Variants in CSMD1 observed in about 807,000 individuals in gnomAD.
CSMD1 encodes CUB and Sushi multiple domains 1.
Under a neutral mutation model 417.5 loss-of-function variants are expected in CSMD1, and 213 were observed. The observed-to-expected ratio is 0.51, with a 90% CI of 0.46 to 0.57. CSMD1 has a LOEUF of 0.57. CSMD1 is among the 20% of genes least tolerant of loss of function. The pLI is 0.00. For missense variants in CSMD1, 6,923 were observed against 4,529.7 expected, an observed-to-expected ratio of 1.53 and a Z score of -15.17; for synonymous variants, 2,862 against 1,736.8, an observed-to-expected ratio of 1.65 and a Z score of -16.11.
At chr8:3,019,012 G>C (rs1316543699) in intron 51 of CSMD1, among the ~76,000 whole-genome samples, 1 of 152,106 alleles carries the variant, frequency 6.6e-6, no homozygotes, top group Admixed American at 6.6e-5. Flanking sequence ...CTACCTCCCC[G>C]GTTCAAGTGA....
Position 3,553,259 on chromosome 8 carries a change from C to T in CSMD1, c.1344+21686G>A, listed in dbSNP as rs1414383060. ...GGCTTTCAGTAATGTAGCCATAGTT[C>T]GGAGCTGCAGGCACACCGTCAGCAC... On this transcript the variant is annotated intron_variant, in intron 10 of 69. Transcript: ENST00000635120. Among the ~76,000 whole-genome samples, 9 of 152,060 alleles carry T rather than the reference C, an allele frequency of 5.9e-5. No homozygotes were observed. In the East Asian group the frequency reaches 1.2e-3, roughly 20 times the overall value.
intron 50 of CSMD1, among the ~76,000 whole-genome samples, chr8:3,036,884 T>C (rs1810715221): frequency 6.6e-6 from 1 of 152,164 alleles, no homozygotes; most frequent in Non-Finnish European, 1.5e-5. Context: ...ATAAGTTATC[T>C]AGGGGTGATT....
chr8:4,464,214 G>C (rs775390643), intron 2 of CSMD1, among the ~76,000 whole-genome samples: 1 of 152,098 alleles, frequency 6.6e-6, no homozygotes, highest in Non-Finnish European at 1.5e-5. Context: ...ACCCAGTTTG[G>C]ATTTCACTGC....
intron 59 of CSMD1, among the ~76,000 whole-genome samples, chr8:2,965,402 A>G (rs1803867126): frequency 6.6e-6 from 1 of 152,080 alleles, no homozygotes; most frequent in Non-Finnish European, 1.5e-5. Context: ...ACCTGCCTCT[A>G]AATTCCTACA....
intron 1 of CSMD1, among the ~76,000 whole-genome samples, chr8:4,892,632 C>T (rs1407688774): frequency 6.6e-6 from 1 of 152,024 alleles, no homozygotes; most frequent in Non-Finnish European, 1.5e-5. Context: ...TAGACGTGAA[C>T]ACTTAACTTT....
intron 12 of CSMD1, among the ~76,000 whole-genome samples, chr8:3,460,775 G>A (rs528270371): frequency 6.6e-6 from 1 of 152,166 alleles, no homozygotes; most frequent in African/African-American, 2.4e-5. Context: ...AATATAGGGA[G>A]ATTATTTTCC....
intron 3 of CSMD1, among the ~76,000 whole-genome samples, chr8:4,307,475 A>T (rs1798311505): frequency 6.6e-6 from 1 of 152,152 alleles, no homozygotes; most frequent in African/African-American, 2.4e-5. Context: ...TCCCCCAAGG[A>T]TATTAACAGG....
chr8:3,880,409 T>C (rs918129040), intron 5 of CSMD1, among the ~76,000 whole-genome samples: 1 of 152,198 alleles, frequency 6.6e-6, no homozygotes, highest in African/African-American at 2.4e-5. Context: ...ATGACCAAAT[T>C]AGCTTCAGTT....
At chr8:3,581,997 G>A (rs575921217) in intron 9 of CSMD1, among the ~76,000 whole-genome samples, 3 of 152,174 alleles carry the variant, frequency 2.0e-5, no homozygotes, top group African/African-American at 7.2e-5. Context: ...GTTTCACTAT[G>A]TTGGCCAGGT....
intron 12 of CSMD1, among the ~76,000 whole-genome samples, chr8:3,427,875 T>A (rs905081621): frequency 6.6e-6 from 1 of 152,236 alleles, no homozygotes; most frequent in African/African-American, 2.4e-5. Context: ...TGTCAATGTG[T>A]AATGTTAGCA....
At chr8:3,737,853 G>A (rs779144245) in intron 6 of CSMD1, among the ~76,000 whole-genome samples, 5 of 152,236 alleles carry the variant, frequency 3.3e-5, no homozygotes, top group African/African-American at 4.8e-5. Flanking sequence ...CCCATTTAAT[G>A]TTAAGTCAGC....
At chr8:4,261,978 T>A (rs1342256462) in intron 3 of CSMD1, among the ~76,000 whole-genome samples, 1 of 152,170 alleles carries the variant, frequency 6.6e-6, no homozygotes, top group Non-Finnish European at 1.5e-5. Flanking sequence ...CTGAAGTCTG[T>A]CATTTCCTGG....
chr8:4,666,076 A>C (rs1804904638), intron 1 of CSMD1, among the ~76,000 whole-genome samples: 1 of 151,696 alleles, frequency 6.6e-6, no homozygotes, highest in Non-Finnish European at 1.5e-5. Context: ...GGACAATCTC[A>C]TTTTGCTTCT....
chr8:4,321,210 C>T (rs1433130653), intron 3 of CSMD1, among the ~76,000 whole-genome samples: 1 of 152,100 alleles, frequency 6.6e-6, no homozygotes, highest in Non-Finnish European at 1.5e-5. Context: ...GTGTCCAGTG[C>T]ATGAACACGT....
At chr8:3,999,277 G>T (rs996241029) in intron 4 of CSMD1, among the ~76,000 whole-genome samples, 1 of 152,058 alleles carries the variant, frequency 6.6e-6, no homozygotes, top group Non-Finnish European at 1.5e-5. Context: ...AAGATGGGGG[G>T]AGTTTGCTGT....
At chr8:3,954,657 T>G (rs1036695545) in intron 5 of CSMD1, among the ~76,000 whole-genome samples, 1 of 152,218 alleles carries the variant, frequency 6.6e-6, no homozygotes, top group Non-Finnish European at 1.5e-5. Context: ...CCACCGCACC[T>G]GGCCGGATCC....
chr8:3,224,742 A>C (rs760231603), intron 27 of CSMD1, among the ~76,000 whole-genome samples: 1 of 152,246 alleles, frequency 6.6e-6, no homozygotes, highest in African/African-American at 2.4e-5. Context: ...ATGTAGCTCA[A>C]TGTGGTTAAT....
At chr8:3,289,801 C>G (rs549175674) in intron 25 of CSMD1, among the ~76,000 whole-genome samples, 2 of 147,380 alleles carry the variant, frequency 1.4e-5, no homozygotes, top group Admixed American at 6.7e-5. Flanking sequence ...ATGGTAGTTT[C>G]TTTTGCTGTG....
intron 10 of CSMD1, among the ~76,000 whole-genome samples, chr8:3,561,507 A>G (rs1585370642): frequency 6.6e-6 from 1 of 152,216 alleles, no homozygotes; most frequent in African/African-American, 2.4e-5. Context: ...TATCCTAAGT[A>G]AAATAATGCA....
Sources: allele counts gnomAD v4.1 joint callset (sites outside exome capture counted in the v4.1 genomes callset), GRCh38; gene constraint gnomAD v4.1.1; transcripts MANE v1.5; gene names NCBI Gene and HGNC (gene_info 2026-07-23, HGNC 2026-07-21).